The following TRPC7 variants were observed in gnomAD, a reference collection of about 807,000 sequenced individuals.
TRPC7 encodes short transient receptor potential channel 7.
TRPC7 carries 42 observed loss-of-function variants against 90.1 expected under a neutral mutation model. The ratio of observed to expected loss-of-function variants is 0.47; its 90% CI spans 0.36 to 0.60. The LOEUF (loss-of-function observed/expected upper bound fraction) is 0.60. Ranked by LOEUF, TRPC7 falls within the 20% of genes least tolerant of loss-of-function variation. The pLI is 0.00. For synonymous variants in TRPC7, 451 were observed against 436.3 expected (o/e 1.03, Z -0.42); for missense variants, 955 against 1,112.3 (o/e 0.86, Z 2.01).
intron 2 of TRPC7, among the ~76,000 whole-genome samples, chr5:136,316,735 T>C (rs1252179983): frequency 6.6e-6 from 1 of 152,236 alleles, no homozygotes; most frequent in Non-Finnish European, 1.5e-5. Context: ...GGTTACCTCA[T>C]ACCTCTCCTC....
At chr5:136,215,619 G>A (rs188129331) in intron 11 of TRPC7, among the ~76,000 whole-genome samples, 1 of 152,112 alleles carries the variant, frequency 6.6e-6, no homozygotes, top group Non-Finnish European at 1.5e-5. Context: ...TCAGGAGTTC[G>A]AGACCAGCCT....
chr5:136,328,595 C>T (rs1235200185), intron 2 of TRPC7, among the ~76,000 whole-genome samples: 1 of 152,212 alleles, frequency 6.6e-6, no homozygotes, highest in African/African-American at 2.4e-5. Flanking sequence ...ATAACTTAAT[C>T]TCTCTGTGTG....
intron 1 of TRPC7, among the ~76,000 whole-genome samples, chr5:136,358,659 T>C (rs1760465930): frequency 6.6e-6 from 1 of 152,210 alleles, no homozygotes; most frequent in Non-Finnish European, 1.5e-5. Context: ...GTCAGGGATA[T>C]GCCATCTCCA....
intron 3 of TRPC7, among the ~76,000 whole-genome samples, chr5:136,296,915 G>A: frequency 6.6e-6 from 1 of 152,158 alleles, no homozygotes; most frequent in East Asian, 1.9e-4. Flanking sequence ...GGCCTCCCCA[G>A]CCAGGAGTCC....
rs374395502 is a variant in TRPC7, at chr5:136,289,239, A to G, written c.964-14402T>C. Among the ~76,000 whole-genome samples the G allele has an allele frequency of 8.1e-4, 123 of 152,290 alleles. 4 individuals carry two copies. In the South Asian group the frequency reaches 0.024, roughly 30 times the overall value. ...ACAGCTCCCAGCATGAGCGACGCAG[A>G]AGACGGGTGACTTCTGCATTTCCAA... On this transcript the variant is annotated intron_variant, in intron 3 of 11. Coordinates refer to ENST00000513104, the MANE Select transcript of TRPC7 (RefSeq NM_020389.3).
At chr5:136,334,646 C>A (rs1156683811) in intron 2 of TRPC7, among the ~76,000 whole-genome samples, 1 of 152,206 alleles carries the variant, frequency 6.6e-6, no homozygotes, top group East Asian at 1.9e-4. Flanking sequence ...TTCTTTGGGT[C>A]CAATAGCCCT....
intron 2 of TRPC7, among the ~76,000 whole-genome samples, chr5:136,350,928 G>A (rs1760173224): frequency 2.0e-5 from 3 of 152,180 alleles, no homozygotes; most frequent in Admixed American, 2.0e-4. Context: ...ATCTGCAGAT[G>A]ATTGGTTCCA....
At chr5:136,288,928 T>C (rs1209718032) in intron 3 of TRPC7, among the ~76,000 whole-genome samples, 6 of 152,238 alleles carry the variant, frequency 3.9e-5, no homozygotes, top group Admixed American at 3.9e-4. Context: ...TAACTGATGC[T>C]AATGGATTTG....
chr5:136,301,332 ATTTTT>A (rs368799815), intron 3 of TRPC7, among the ~76,000 whole-genome samples: 3 of 85,696 alleles, frequency 3.5e-5, no homozygotes, highest in Non-Finnish European at 6.5e-5. Context: ...CAGCCCAGGC[ATTTTT>A]TTTTTTTTTT....
rs559072602 is a variant in TRPC7 at position 136,233,094 on chromosome 5, G to A, written c.1845-1545C>T. On this transcript the variant is annotated intron_variant, in intron 7 of 11. Transcript: ENST00000513104. Reference sequence around the variant, plus strand: ...GGGGTGTATGTGTATCTGTGTGTGCGTGTGCATGTGTGTGTGTCTACCCAG... The same window carrying A: ...GGGGTGTATGTGTATCTGTGTGTGCATGTGCATGTGTGTGTGTCTACCCAG... Among the ~76,000 whole-genome samples the A allele has an allele frequency of 5.9e-5, 9 of 152,226 alleles. No individual in the cohort carries two copies. The South Asian group carries it at 8.3e-4, about 14-fold the overall frequency.
chr5:136,322,884 A>G (rs1759240179), intron 2 of TRPC7, among the ~76,000 whole-genome samples: 1 of 152,182 alleles, frequency 6.6e-6, no homozygotes, highest in African/African-American at 2.4e-5. Context: ...ATTCCTTTTT[A>G]AGAGATAGGA....
At chr5:136,240,137 A>G (rs899569915) in intron 7 of TRPC7, among the ~76,000 whole-genome samples, 22 of 152,058 alleles carry the variant, frequency 1.4e-4, no homozygotes, top group African/African-American at 4.1e-4. Flanking sequence ...CATCTACCCA[A>G]ATGCCTTCCT....
intron 3 of TRPC7, among the ~76,000 whole-genome samples, chr5:136,294,421 A>G (rs900733768): frequency 2.6e-5 from 4 of 152,182 alleles, no homozygotes; most frequent in Non-Finnish European, 5.9e-5. Flanking sequence ...AGAATCTACA[A>G]TGAACTCAAA....
In TRPC7 at chr5:136,264,584, G is replaced by GT. The variant is rs1208966413; in HGVS notation, c.1345+1635dup. 5.3e-3 allele frequency among the ~76,000 whole-genome samples: 767 copies of GT among 145,396 alleles called. 3 individuals carry two copies. Among genetic ancestry groups the GT allele is most frequent in the Non-Finnish European group, 8.4e-3 (555 of 65,716 alleles). ...ATGAGCCTTTGGTCACAGGGTTGCT[G>GT]TTTTTTTTTTTGTTTGTTTTCTTTT... On this transcript the variant is annotated intron_variant, in intron 5 of 11. Transcript: ENST00000513104.
chr5:136,298,015 C>A (rs1561707390), intron 3 of TRPC7, among the ~76,000 whole-genome samples: 1 of 152,172 alleles, frequency 6.6e-6, no homozygotes, highest in Admixed American at 6.5e-5. Context: ...TTTTGAGAAT[C>A]TTCTACTTGC....
intron 3 of TRPC7, among the ~76,000 whole-genome samples, chr5:136,285,458 C>T (rs959667436): frequency 6.6e-6 from 1 of 152,178 alleles, no homozygotes; most frequent in Non-Finnish European, 1.5e-5. Context: ...ATTCTGTTTG[C>T]AGCCTCTTTA....
intron 10 of TRPC7, among the ~76,000 whole-genome samples, chr5:136,217,388 C>G (rs1755303676): frequency 6.6e-6 from 1 of 152,222 alleles, no homozygotes; most frequent in Non-Finnish European, 1.5e-5. Flanking sequence ...ATGGTTCTTT[C>G]CATCCCTTTA....
At chr5:136,354,078 AT>A (rs1554118544) in intron 2 of TRPC7, among the ~76,000 whole-genome samples, 1 of 152,110 alleles carries the variant, frequency 6.6e-6, no homozygotes, top group South Asian at 2.1e-4. Context: ...CCAAAAAAAT[AT>A]TTTTTTGCTT....
At chr5:136,312,343 C>G (rs766140157) in intron 3 of TRPC7, among the ~76,000 whole-genome samples, 2 of 152,116 alleles carry the variant, frequency 1.3e-5, no homozygotes, top group Admixed American at 6.5e-5. Context: ...AACAAAGGAC[C>G]AGCTAGGGAA....
Sources: allele counts gnomAD v4.1 joint callset (sites outside exome capture counted in the v4.1 genomes callset), GRCh38; gene constraint gnomAD v4.1.1; transcripts MANE v1.5; gene names NCBI Gene and HGNC (gene_info 2026-07-23, HGNC 2026-07-21).